HMG20A: variants seen among roughly 807,000 people sequenced by gnomAD.
HMG20A encodes high mobility group 20A.
Under a neutral mutation model 43.9 loss-of-function variants are expected in HMG20A, and 17 were observed. The ratio of observed to expected loss-of-function variants is 0.39; its 90% CI spans 0.27 to 0.58. The LOEUF (loss-of-function observed/expected upper bound fraction) is 0.58, where lower values mean the gene tolerates loss of function less well. Ranked by LOEUF, HMG20A falls within the 20% of genes least tolerant of loss-of-function variation. The probability of loss-of-function intolerance (pLI) is 0.59; values close to 1 mark genes in which losing one functional copy is unlikely to be tolerated. For synonymous variants in HMG20A, 132 were observed against 147.5 expected, an observed-to-expected ratio of 0.89 and a Z score of 0.76; for missense variants, 341 against 438.2, an observed-to-expected ratio of 0.78 and a Z score of 1.98.
the HMG20A span, among the ~76,000 whole-genome samples, chr15:77,509,872 G>A: frequency 3.6e-4 from 54 of 150,044 alleles, no homozygotes; most frequent in Non-Finnish European, 6.7e-4. Flanking sequence ...GCACCACTGC[G>A]CTCCAGCCTG....
Position 77,432,345 on chromosome 15 carries a change from C to T in HMG20A, c.-5+11341C>T, listed in dbSNP as rs531612561. On this transcript the variant is annotated intron_variant, in intron 1 of 9. Coordinates refer to ENST00000336216, the MANE Select transcript of HMG20A (RefSeq NM_001304504.2). ...AAAAATCAGTTATCTAAATACCCAT[C>T]AAGGTAGGAAAAGAACAGCAAATTA... Among the ~76,000 whole-genome samples the T allele has an allele frequency of 2.0e-5, 3 of 152,098 alleles. No individual in the cohort carries two copies. The South Asian group carries it at 6.2e-4, about 32-fold the overall frequency.
chr15:77,516,998 TGTC>T, the HMG20A span, among the ~76,000 whole-genome samples: 3 of 152,186 alleles, frequency 2.0e-5, no homozygotes, highest in Admixed American at 6.5e-5. Context: ...GTCCCGCACA[TGTC>T]AGTCCCTCGT....
chr15:77,460,252 A>G (rs888736650), intron 2 of HMG20A, among the ~76,000 whole-genome samples: 1 of 152,216 alleles, frequency 6.6e-6, no homozygotes, highest in African/African-American at 2.4e-5. Context: ...GGTAGTGAGA[A>G]GTATAGAATT....
chr15:77,445,983 G>C (rs748712766), intron 1 of HMG20A, among the ~76,000 whole-genome samples: 1 of 152,236 alleles, frequency 6.6e-6, no homozygotes, highest in Non-Finnish European at 1.5e-5. Context: ...GATAAGGGGG[G>C]ACTACCGTCT....
chr15:77,439,892 A>G (rs1333660413), intron 1 of HMG20A, among the ~76,000 whole-genome samples: 1 of 151,962 alleles, frequency 6.6e-6, no homozygotes, highest in Non-Finnish European at 1.5e-5. Flanking sequence ...ACCACTGTGT[A>G]TTGTCATTTT....
chr15:77,453,220 T>C (rs540438498), intron 1 of HMG20A, among the ~76,000 whole-genome samples: 1 of 152,146 alleles, frequency 6.6e-6, no homozygotes, highest in Admixed American at 6.6e-5. Context: ...AACAGAATGA[T>C]ACTCTATCTA....
chr15:77,457,352 A>G (rs2072664407), intron 1 of HMG20A, among the ~76,000 whole-genome samples: 1 of 152,118 alleles, frequency 6.6e-6, no homozygotes, highest in South Asian at 2.1e-4. Context: ...GGAAGCTCCT[A>G]AGTGAATTCT....
At chr15:77,515,257 A>G in the HMG20A span, among the ~76,000 whole-genome samples, 3 of 152,150 alleles carry the variant, frequency 2.0e-5, no homozygotes, top group Admixed American at 2.0e-4. Context: ...GGGGGAGTGT[A>G]TGTCTTTTGT....
intron 1 of HMG20A, among the ~76,000 whole-genome samples, chr15:77,430,269 A>T (rs763799122): frequency 1.4e-4 from 21 of 152,372 alleles, no homozygotes; most frequent in Middle Eastern, 3.4e-3. Flanking sequence ...ATGTTTAAAT[A>T]CTCTAGGTTA....
chr15:77,514,080 C>G, the HMG20A span, among the ~76,000 whole-genome samples: 2 of 152,182 alleles, frequency 1.3e-5, no homozygotes, highest in Non-Finnish European at 2.9e-5. Context: ...ATGGTCCTGT[C>G]TCCAAATACA....
At chr15:77,436,813 G>A (rs1299965617) in intron 1 of HMG20A, among the ~76,000 whole-genome samples, 1 of 152,102 alleles carries the variant, frequency 6.6e-6, no homozygotes, top group African/African-American at 2.4e-5. Context: ...TGAACTTTTA[G>A]AAAGCATAAA....
chr15:77,467,130 A>G lies in HMG20A; in HGVS notation c.273A>G (p.Arg91=), dbSNP rs553252373. The stretch of plus-strand genomic sequence containing the variant: ...AACGAGGAGGTTGGTCCAAAGGAAG[A>G]AAGAGGAAGAAACCTCTTCGAGACA... The part of the protein sequence containing the change: ...RSKRGGWSKG[R]KRKKPLRDSN... Residue 91 remains arginine (R), a synonymous_variant, in exon 4 of 10, where the codon AGA becomes AGG. Coordinates refer to ENST00000336216, the MANE Select transcript of HMG20A (RefSeq NM_001304504.2). The G allele has an allele frequency of 1.2e-6, 2 of 1,614,062 alleles. No homozygotes were observed. The highest frequency in any genetic ancestry group is 1.7e-5 in the Admixed American group (1 of 60,006).
At chr15:77,505,746 A>G in the HMG20A span, among the ~76,000 whole-genome samples, 6 of 152,354 alleles carry the variant, frequency 3.9e-5, no homozygotes, top group South Asian at 1.2e-3. Flanking sequence ...ACAGGGCTGC[A>G]GGGCCGGAGG....
intron 1 of HMG20A, among the ~76,000 whole-genome samples, chr15:77,443,263 CTT>C (rs1157845032): frequency 6.6e-6 from 1 of 150,942 alleles, no homozygotes. Flanking sequence ...GAACTCCTGA[CTT>C]TAAGTGATCT....
intron 3 of HMG20A, among the ~76,000 whole-genome samples, chr15:77,465,390 GTTGTTTT>G: frequency 7.3e-6 from 1 of 137,050 alleles, no homozygotes; most frequent in East Asian, 2.0e-4. Context: ...AAATTGTTCT[GTTGTTTT>G]TTGTTTTTTT....
chr15:77,507,361 A>C, the HMG20A span, among the ~76,000 whole-genome samples: 2 of 152,006 alleles, frequency 1.3e-5, no homozygotes, highest in Admixed American at 6.6e-5. Flanking sequence ...CACACCCCCC[A>C]CACCCCTCCC....
intron 2 of HMG20A, among the ~76,000 whole-genome samples, chr15:77,463,320 A>G (rs763688048): frequency 2.6e-5 from 4 of 152,088 alleles, no homozygotes; most frequent in African/African-American, 2.4e-5. Context: ...CCATACCTCT[A>G]TGGTACTTTT....
chr15:77,429,184 C>T (rs1345314284), intron 1 of HMG20A, among the ~76,000 whole-genome samples: 1 of 151,776 alleles, frequency 6.6e-6, no homozygotes, highest in Non-Finnish European at 1.5e-5. Flanking sequence ...CTCTACTAAA[C>T]AAAATAATAA....
downstream of HMG20A, among the ~76,000 whole-genome samples, chr15:77,486,116 C>T (rs2072944255): frequency 6.6e-6 from 1 of 152,142 alleles, no homozygotes; most frequent in Admixed American, 6.5e-5. Flanking sequence ...TATGCTGTAA[C>T]AATACAGTGA....
Sources: gnomAD v4.1 joint callset for allele counts (sites outside exome capture counted in the v4.1 genomes callset) on GRCh38, gnomAD v4.1.1 for gene constraint, MANE v1.5 for transcripts, NCBI Gene and HGNC (gene_info 2026-07-23, HGNC 2026-07-21) for gene names.